The following ABTB3 variants were observed in gnomAD, a reference collection of about 807,000 sequenced individuals.
The protein encoded by ABTB3 is ankyrin repeat- and BTB/POZ domain-containing protein 3.
At chr12:107,633,748 C>A in the ABTB3 span, among the ~76,000 whole-genome samples, 1 of 152,188 alleles carries the variant, frequency 6.6e-6, no homozygotes. Flanking sequence ...CAGGTCGAAC[C>A]CATGACAGAA....
At chr12:107,523,909 G>C in the ABTB3 span, among the ~76,000 whole-genome samples, 1 of 152,272 alleles carries the variant, frequency 6.6e-6, no homozygotes, top group Non-Finnish European at 1.5e-5. Flanking sequence ...ACACCATGTG[G>C]CCCACACACA....
the ABTB3 span, among the ~76,000 whole-genome samples, chr12:107,387,373 C>T: frequency 1.3e-5 from 2 of 152,304 alleles, no homozygotes; most frequent in South Asian, 4.1e-4. Flanking sequence ...TGGTAGTAGG[C>T]AGTAGGTGTC....
At chr12:107,522,927 C>G in the ABTB3 span, among the ~76,000 whole-genome samples, 1 of 152,042 alleles carries the variant, frequency 6.6e-6, no homozygotes, top group African/African-American at 2.4e-5. Context: ...TTACATACCC[C>G]CTAATTCAGG....
At chr12:107,342,281 T>C in the ABTB3 span, among the ~76,000 whole-genome samples, 1 of 151,950 alleles carries the variant, frequency 6.6e-6, no homozygotes, top group African/African-American at 2.4e-5. Context: ...GGAAGGGGCA[T>C]GGATACTGAA....
At chr12:107,513,657 T>C in the ABTB3 span, among the ~76,000 whole-genome samples, 5 of 152,104 alleles carry the variant, frequency 3.3e-5, no homozygotes, top group African/African-American at 1.2e-4. Flanking sequence ...TGGACTAATA[T>C]AGCATCCCTG....
the ABTB3 span, among the ~76,000 whole-genome samples, chr12:107,461,992 G>T: frequency 6.6e-6 from 1 of 152,208 alleles, no homozygotes; most frequent in African/African-American, 2.4e-5. Flanking sequence ...GGTGGCCCAG[G>T]AGGAGGTGGT....
the ABTB3 span, among the ~76,000 whole-genome samples, chr12:107,498,335 C>T: frequency 4.6e-5 from 7 of 152,210 alleles, no homozygotes; most frequent in African/African-American, 1.4e-4. Context: ...AAGCGATGCT[C>T]ATTTCAGAAT....
At chr12:107,477,212 A>G in the ABTB3 span, among the ~76,000 whole-genome samples, 1 of 152,200 alleles carries the variant, frequency 6.6e-6, no homozygotes, top group Non-Finnish European at 1.5e-5. Flanking sequence ...AAGTAAGGTC[A>G]AGGGGGTCTG....
At chr12:107,324,987 C>A in the ABTB3 span, among the ~76,000 whole-genome samples, 4 of 152,144 alleles carry the variant, frequency 2.6e-5, no homozygotes, top group South Asian at 8.3e-4. Context: ...GGAAGAAAAC[C>A]CAAACCGAAC....
At chr12:107,418,494 G>A in the ABTB3 span, among the ~76,000 whole-genome samples, 4 of 152,174 alleles carry the variant, frequency 2.6e-5, no homozygotes, top group South Asian at 8.3e-4. Flanking sequence ...CCTGCATCCT[G>A]TCCTCACTCC....
the ABTB3 span, among the ~76,000 whole-genome samples, chr12:107,476,136 G>T: frequency 3.9e-5 from 6 of 152,176 alleles, no homozygotes; most frequent in African/African-American, 1.4e-4. Context: ...GTTTGAGGGA[G>T]GGCAGTGTAG....
the ABTB3 span, among the ~76,000 whole-genome samples, chr12:107,428,664 C>T: frequency 6.6e-6 from 1 of 152,242 alleles, no homozygotes; most frequent in Admixed American, 6.5e-5. Flanking sequence ...TCCCCACTCC[C>T]TTGCTGTGCC....
chr12:107,356,026 A>T, the ABTB3 span, among the ~76,000 whole-genome samples: 1 of 152,238 alleles, frequency 6.6e-6, no homozygotes. Context: ...TGTAGCACAG[A>T]GGGTTTGATG....
the ABTB3 span, among the ~76,000 whole-genome samples, chr12:107,469,848 TTTCTC>T: frequency 6.8e-6 from 1 of 146,970 alleles, no homozygotes; most frequent in Admixed American, 6.8e-5. Flanking sequence ...TTTCTCTCTC[TTTCTC>T]TTTCTTTCTT....
the ABTB3 span, among the ~76,000 whole-genome samples, chr12:107,384,854 G>T: frequency 6.6e-6 from 1 of 152,200 alleles, no homozygotes; most frequent in African/African-American, 2.4e-5. Flanking sequence ...TCCACTGCAG[G>T]AGGCATTGCT....
At chr12:107,438,018 T>A in the ABTB3 span, among the ~76,000 whole-genome samples, 1 of 152,142 alleles carries the variant, frequency 6.6e-6, no homozygotes, top group Non-Finnish European at 1.5e-5. Flanking sequence ...TTTTGCCTGT[T>A]TTTCTCTGGC....
the ABTB3 span, among the ~76,000 whole-genome samples, chr12:107,378,000 A>G: frequency 6.6e-6 from 1 of 152,230 alleles, no homozygotes; most frequent in Admixed American, 6.5e-5. Flanking sequence ...GTAAAAGGGA[A>G]CCATGCAAAG....
chr12:107,337,379 T>A, the ABTB3 span, among the ~76,000 whole-genome samples: 1 of 152,368 alleles, frequency 6.6e-6, no homozygotes, highest in East Asian at 1.9e-4. Flanking sequence ...AGTTGGTGCC[T>A]CTACGATGCC....
the ABTB3 span, among the ~76,000 whole-genome samples, chr12:107,415,803 T>C: frequency 6.6e-6 from 1 of 152,128 alleles, no homozygotes; most frequent in Non-Finnish European, 1.5e-5. Flanking sequence ...TGTCAGTTAA[T>C]GGTAGAGCTA....
Sources: allele counts gnomAD v4.1 joint callset (sites outside exome capture counted in the v4.1 genomes callset), GRCh38; gene constraint gnomAD v4.1.1; transcripts MANE v1.5; gene names NCBI Gene and HGNC (gene_info 2026-07-23, HGNC 2026-07-21).